NBAS: variants seen among roughly 807,000 people sequenced by gnomAD.
NBAS encodes NBAS subunit of NRZ tethering complex.
In NBAS, 219 loss-of-function variants were observed where a neutral mutation model predicts 302.5. That is an observed-to-expected ratio of 0.72 (90% confidence interval 0.65 to 0.81). The LOEUF is 0.81. NBAS is among the 30% of genes least tolerant of loss of function. The probability of loss-of-function intolerance (pLI) is 0.00; values close to 1 mark genes in which losing one functional copy is unlikely to be tolerated. For synonymous variants in NBAS, 1,118 were observed against 1,021.6 expected (o/e 1.09, Z -1.80); for missense variants, 2,932 against 2,841.6 (o/e 1.03, Z -0.72).
chr2:15,072,812 T>A, the NBAS span, among the ~76,000 whole-genome samples: 1 of 152,226 alleles, frequency 6.6e-6, no homozygotes, highest in South Asian at 2.1e-4. Flanking sequence ...ATTATCAACA[T>A]CAAAGGCATA....
At chr2:15,236,777 T>C (rs1667614406) in intron 45 of NBAS, among the ~76,000 whole-genome samples, 1 of 152,124 alleles carries the variant, frequency 6.6e-6, no homozygotes, top group African/African-American at 2.4e-5. Flanking sequence ...AAAATCAAGA[T>C]TGGTAAAGCC....
At chr2:14,920,501 C>T in the NBAS span, among the ~76,000 whole-genome samples, 436 of 152,278 alleles carry the variant, frequency 2.9e-3, no homozygotes, top group Non-Finnish European at 4.5e-3. Flanking sequence ...TGAAACCAGG[C>T]ATTGACTTCT....
intron 21 of NBAS, among the ~76,000 whole-genome samples, chr2:15,439,589 C>T (rs576906045): frequency 3.9e-5 from 6 of 152,136 alleles, no homozygotes; most frequent in Non-Finnish European, 2.9e-5. Context: ...GCAGAAGATG[C>T]ATGATTTCTG....
chr2:14,933,208 T>A, the NBAS span, among the ~76,000 whole-genome samples: 1 of 152,154 alleles, frequency 6.6e-6, no homozygotes, highest in Non-Finnish European at 1.5e-5. Context: ...TGGGACTGAG[T>A]CCCAGACCAA....
At chr2:15,287,676 G>T (rs1162264679) in intron 41 of NBAS, among the ~76,000 whole-genome samples, 4 of 151,554 alleles carry the variant, frequency 2.6e-5, no homozygotes, top group African/African-American at 9.7e-5. Flanking sequence ...AGGCAGTCCC[G>T]TGGAGGCATC....
intron 47 of NBAS, among the ~76,000 whole-genome samples, chr2:15,226,594 G>A (rs1667161205): frequency 6.6e-6 from 1 of 152,034 alleles, no homozygotes; most frequent in South Asian, 2.1e-4. Context: ...TGTATGAAAG[G>A]TCTTTGGCAT....
the NBAS span, among the ~76,000 whole-genome samples, chr2:14,811,943 TTTAG>T: frequency 6.6e-6 from 1 of 152,212 alleles, no homozygotes; most frequent in Non-Finnish European, 1.5e-5. Context: ...TGAGCCCCAT[TTTAG>T]TTACTCAATA....
chr2:15,124,915 C>G, the NBAS span, among the ~76,000 whole-genome samples: 2 of 152,202 alleles, frequency 1.3e-5, no homozygotes, highest in Non-Finnish European at 2.9e-5. Context: ...CAGGGATACT[C>G]TACTATGGCA....
intron 44 of NBAS, among the ~76,000 whole-genome samples, chr2:15,256,255 T>A (rs182713098): frequency 6.6e-6 from 1 of 152,176 alleles, no homozygotes; most frequent in Admixed American, 6.5e-5. Context: ...GTTTTCCAAG[T>A]AGAGATCATT....
chr2:15,553,568 T>C, intron 4 of NBAS, 95 bp from the exon 5 acceptor site: 6 of 1,190,980 alleles, frequency 5.0e-6, no homozygotes, highest in African/African-American at 1.5e-5. Context: ...TTAAAAATCA[T>C]TTTTAAATTT....
chr2:15,173,978 A>G (rs1237936985), intron 51 of NBAS, among the ~76,000 whole-genome samples: 1 of 152,218 alleles, frequency 6.6e-6, no homozygotes, highest in Non-Finnish European at 1.5e-5. Flanking sequence ...GCTGTGCACA[A>G]TGCATGCTTG....
the NBAS span, among the ~76,000 whole-genome samples, chr2:15,014,790 G>A: frequency 1.3e-5 from 2 of 151,620 alleles, no homozygotes; most frequent in African/African-American, 2.4e-5. Context: ...GATAATAAAG[G>A]TCAGAGCAGA....
chr2:15,239,288 T>C (rs969814701), intron 44 of NBAS, among the ~76,000 whole-genome samples: 1 of 152,034 alleles, frequency 6.6e-6, no homozygotes, highest in African/African-American at 2.4e-5. Context: ...TCAAACTATA[T>C]CTGCATATAC....
At chr2:15,270,290 G>A (rs1019477880) in intron 44 of NBAS, among the ~76,000 whole-genome samples, 17 of 152,032 alleles carry the variant, frequency 1.1e-4, no homozygotes, top group African/African-American at 1.2e-4. Flanking sequence ...TCAGCCTCCC[G>A]AGTGGCTGGG....
At chr2:15,205,258 C>T (rs1054611104) in intron 48 of NBAS, among the ~76,000 whole-genome samples, 1 of 151,596 alleles carries the variant, frequency 6.6e-6, no homozygotes, top group Non-Finnish European at 1.5e-5. Context: ...ACAACAGATA[C>T]ACAAAAATAA....
chr2:14,796,849 T>TA, the NBAS span, among the ~76,000 whole-genome samples: 1 of 131,140 alleles, frequency 7.6e-6, no homozygotes, highest in East Asian at 2.3e-4. Context: ...TGTGGGCTTA[T>TA]AAAAAACCCA....
the NBAS span, among the ~76,000 whole-genome samples, chr2:14,804,154 A>T: frequency 1.3e-5 from 2 of 152,228 alleles, no homozygotes; most frequent in African/African-American, 4.8e-5. Flanking sequence ...ATGGTGAAAA[A>T]TTTGAGTCAC....
At chr2:14,923,168 G>A in the NBAS span, among the ~76,000 whole-genome samples, 1 of 151,798 alleles carries the variant, frequency 6.6e-6, no homozygotes, top group Non-Finnish European at 1.5e-5. Context: ...ACAAAAAAAA[G>A]TATTCATTCA....
chr2:15,551,504 C>T lies in NBAS; in HGVS notation c.368G>A (p.Gly123Glu). The stretch of plus-strand genomic sequence containing the variant: ...TTGGAAACTCTTACCTTGACATTTC[C>T]CAATAATGGATGTAAAATCATCTTT... ...SAKDDFTSII[G>E]KCQVPKDPKP... Residue 123 changes from glycine to glutamate, a missense_variant, in exon 6 of 52, where the codon GGG becomes GAG. Transcript: ENST00000281513. The T allele has an allele frequency of 3.1e-6, 5 of 1,608,204 alleles. No individual in the cohort carries two copies. Among genetic ancestry groups the T allele is most frequent in the Non-Finnish European group, 4.2e-6 (5 of 1,176,500 alleles).
Sources: allele counts gnomAD v4.1 joint callset (sites outside exome capture counted in the v4.1 genomes callset), GRCh38; gene constraint gnomAD v4.1.1; transcripts MANE v1.5; gene names NCBI Gene and HGNC (gene_info 2026-07-23, HGNC 2026-07-21).